Variants in SNX18 observed in about 807,000 individuals in gnomAD.
The protein encoded by SNX18 is sorting nexin 18.
A neutral mutation model predicts 48.7 loss-of-function variants in SNX18; 35 were observed. The observed-to-expected ratio is 0.72, with a 90% CI of 0.55 to 0.95. The LOEUF (loss-of-function observed/expected upper bound fraction) is 0.95, where lower values mean the gene tolerates loss of function less well. Ranked by LOEUF, SNX18 falls within the 40% of genes least tolerant of loss-of-function variation. SNX18 has a pLI of 0.00. For missense variants in SNX18, 824 were observed against 871.0 expected (o/e 0.95, Z 0.68); for synonymous variants, 492 against 384.7 (o/e 1.28, Z -3.26).
chr5:54,638,334 G>A, the SNX18 span, among the ~76,000 whole-genome samples: 1 of 152,204 alleles, frequency 6.6e-6, no homozygotes, highest in African/African-American at 2.4e-5. Flanking sequence ...GGGACTTGGA[G>A]ACAGATATCC....
At chr5:54,566,258 C>T in the SNX18 span, among the ~76,000 whole-genome samples, 1 of 152,200 alleles carries the variant, frequency 6.6e-6, no homozygotes, top group Non-Finnish European at 1.5e-5. Context: ...GAGTTCAAAT[C>T]CTGACCGTCA....
intron 1 of SNX18, among the ~76,000 whole-genome samples, chr5:54,526,373 G>T (rs754200914): frequency 6.6e-6 from 1 of 152,124 alleles, no homozygotes. Flanking sequence ...CTTCCAAAGT[G>T]CTGGGATTAC....
the SNX18 span, among the ~76,000 whole-genome samples, chr5:54,556,357 C>G: frequency 6.6e-6 from 1 of 152,142 alleles, no homozygotes; most frequent in East Asian, 1.9e-4. Context: ...CGGGAGAATC[C>G]ATTTCCCTGC....
the SNX18 span, among the ~76,000 whole-genome samples, chr5:54,555,855 G>C: frequency 6.6e-6 from 1 of 151,218 alleles, no homozygotes; most frequent in Non-Finnish European, 1.5e-5. Flanking sequence ...AAAGAATAAA[G>C]AAAAAAAGAT....
chr5:54,614,913 CT>C, the SNX18 span, among the ~76,000 whole-genome samples: 1 of 152,200 alleles, frequency 6.6e-6, no homozygotes, highest in Non-Finnish European at 1.5e-5. Context: ...ACTTAAACTT[CT>C]TAACAACACC....
In SNX18 at chr5:54,543,195, C is replaced by G. The variant is rs761945482; in HGVS notation, c.1638C>G (p.Val546=). The change falls in exon 2 of 2, where the codon GTC becomes GTG. Residue 546 remains valine (V), a synonymous_variant. Transcript: ENST00000381410. The part of the protein sequence containing the change: ...IHVQKGALTK[V]KESRRHVEEG... ...TAACTACAGGAGCTCTTACCAAAGT[C>G]AAGGAGAGTAGGCGACACGTGGAGG... 5 of 1,613,760 alleles carry G rather than the reference C, an allele frequency of 3.1e-6. No individual in the cohort carries two copies. The highest frequency in any genetic ancestry group is 1.1e-5 in the South Asian group (1 of 91,010).
the SNX18 span, among the ~76,000 whole-genome samples, chr5:54,637,180 A>G: frequency 6.6e-6 from 1 of 152,168 alleles, no homozygotes; most frequent in African/African-American, 2.4e-5. Context: ...TAAAGGGGAG[A>G]GCCATCATAA....
At chr5:54,525,730 A>C (rs1200224282) in intron 1 of SNX18, among the ~76,000 whole-genome samples, 2 of 152,144 alleles carry the variant, frequency 1.3e-5, no homozygotes, top group African/African-American at 4.8e-5. Context: ...TGTAAAAGTG[A>C]GGTTCATTAT....
At chr5:54,563,296 C>T in the SNX18 span, among the ~76,000 whole-genome samples, 1 of 152,150 alleles carries the variant, frequency 6.6e-6, no homozygotes, top group East Asian at 1.9e-4. Flanking sequence ...ACTGACTCAC[C>T]CAGACCAGCT....
the SNX18 span, among the ~76,000 whole-genome samples, chr5:54,639,488 T>C: frequency 6.6e-6 from 1 of 152,228 alleles, no homozygotes; most frequent in African/African-American, 2.4e-5. Flanking sequence ...AAAATAATAT[T>C]ATCTAATATT....
rs115130457 is a variant in SNX18, at chr5:54,542,579, G to A, written c.1622-600G>A. ...CTCTGGATGACAAGATAATGGGCTA[G>A]GCCAGCCCTCATGAGGGTGACCTCC... is the stretch of plus-strand genomic sequence containing the variant. On this transcript the variant is annotated intron_variant, in intron 1 of 1. Transcript: ENST00000381410. 2.5e-3 allele frequency among the ~76,000 whole-genome samples: 387 copies of A among 152,314 alleles called. 1 individual carries two copies. The highest frequency in any genetic ancestry group is 9.1e-3 in the African/African-American group (377 of 41,570).
chr5:54,519,652 TGTGG>T, intron 1 of SNX18, 79 bp downstream of exon 1: 1 of 1,614,178 alleles, frequency 6.2e-7, no homozygotes, highest in Non-Finnish European at 8.5e-7. Context: ...GCAGTACCAC[TGTGG>T]GTTTCAGAAT....
the SNX18 span, among the ~76,000 whole-genome samples, chr5:54,556,816 C>G: frequency 6.6e-6 from 1 of 152,136 alleles, no homozygotes; most frequent in Non-Finnish European, 1.5e-5. Flanking sequence ...AGATTTCCAC[C>G]AGCACAGTGT....
the SNX18 span, among the ~76,000 whole-genome samples, chr5:54,618,644 A>G: frequency 3.9e-5 from 6 of 152,362 alleles, no homozygotes; most frequent in South Asian, 1.2e-3. Flanking sequence ...TGGAGTAGAA[A>G]GTTACTAAAT....
the SNX18 span, among the ~76,000 whole-genome samples, chr5:54,582,842 AC>A: frequency 1.3e-5 from 2 of 152,190 alleles, no homozygotes; most frequent in Non-Finnish European, 2.9e-5. Context: ...ACCATCATTG[AC>A]TTTAAAAGAA....
At chr5:54,572,774 A>ATTTT in the SNX18 span, among the ~76,000 whole-genome samples, 1 of 38,440 alleles carries the variant, frequency 2.6e-5, no homozygotes, top group Non-Finnish European at 4.6e-5. Flanking sequence ...ATATATATAT[A>ATTTT]TTTTTTTTTT....
At chr5:54,618,830 AT>A in the SNX18 span, among the ~76,000 whole-genome samples, 2 of 151,544 alleles carry the variant, frequency 1.3e-5, no homozygotes, top group African/African-American at 2.4e-5. Flanking sequence ...GCTAAAAAAA[AT>A]CAATAAGTAA....
the SNX18 span, among the ~76,000 whole-genome samples, chr5:54,624,504 A>G: frequency 0.17 from 25,184 of 152,252 alleles, 2,098 homozygotes; most frequent in East Asian, 0.22. Flanking sequence ...GCAGTCCTCC[A>G]TGTAACATAT....
the SNX18 span, among the ~76,000 whole-genome samples, chr5:54,608,099 T>C: frequency 1.3e-5 from 2 of 152,324 alleles, no homozygotes; most frequent in African/African-American, 4.8e-5. Context: ...TGCCAAACTA[T>C]TTTCCAGAGT....
Sources: allele counts gnomAD v4.1 joint callset (sites outside exome capture counted in the v4.1 genomes callset), GRCh38; gene constraint gnomAD v4.1.1; transcripts MANE v1.5; gene names NCBI Gene and HGNC (gene_info 2026-07-23, HGNC 2026-07-21).